Variants in MOBP observed in about 807,000 individuals in gnomAD.
MOBP encodes myelin-associated oligodendrocyte basic protein.
In MOBP, 5 loss-of-function variants were observed where a neutral mutation model predicts 15.0. The observed-to-expected ratio is 0.33, with a 90% CI of 0.17 to 0.70. The LOEUF is 0.70. MOBP is among the 30% of genes least tolerant of loss of function. MOBP has a pLI of 0.67. For synonymous variants in MOBP, 88 were observed against 99.0 expected (o/e 0.89, Z 0.66); for missense variants, 188 against 257.8 (o/e 0.73, Z 1.85).
At chr3:39,496,287 C>T (rs2042880708) in intron 2 of MOBP, among the ~76,000 whole-genome samples, 1 of 150,496 alleles carries the variant, frequency 6.6e-6, no homozygotes, top group Non-Finnish European at 1.5e-5. Context: ...CAAGCTCTGC[C>T]TCCCAGGTTC....
intron 1 of MOBP, among the ~76,000 whole-genome samples, chr3:39,468,516 G>C (rs144404393): frequency 1.4e-3 from 209 of 152,176 alleles, no homozygotes; most frequent in African/African-American, 4.3e-3. Flanking sequence ...GAAACTTGTT[G>C]GTGAGTGAGT....
At chr3:39,513,523 G>A (rs1258324465) in exon 5 of MOBP, 3 of 1,254,072 alleles carry the variant, frequency 2.4e-6, no homozygotes, top group African/African-American at 1.5e-5. Flanking sequence ...CAAATATTAT[G>A]CAGGGGCAAA....
intron 4 of MOBP, among the ~76,000 whole-genome samples, chr3:39,509,415 G>A (rs2125665121): frequency 6.6e-6 from 1 of 152,252 alleles, no homozygotes; most frequent in South Asian, 2.1e-4. Flanking sequence ...TGATAGGTAT[G>A]TAATGGTATT....
At chr3:39,470,617 G>T (rs570532234) in intron 1 of MOBP, among the ~76,000 whole-genome samples, 1 of 152,074 alleles carries the variant, frequency 6.6e-6, no homozygotes, top group East Asian at 1.9e-4. Context: ...AGCTGAAAAT[G>T]AACTAAGCAA....
downstream of MOBP, among the ~76,000 whole-genome samples, chr3:39,516,608 C>A (rs1006704678): frequency 2.0e-5 from 3 of 152,116 alleles, no homozygotes; most frequent in African/African-American, 7.2e-5. Context: ...ATAAAGAAAT[C>A]ATTTCAACTC....
At chr3:39,510,459 A>G (rs1432096017) in intron 4 of MOBP, among the ~76,000 whole-genome samples, 4 of 152,118 alleles carry the variant, frequency 2.6e-5, no homozygotes, top group African/African-American at 7.2e-5. Flanking sequence ...TGAACATGGT[A>G]TATCTCTCTA....
rs115642181 is a variant in MOBP, at chr3:39,509,496, A to G, written c.*-3887A>G. 7.6e-3 allele frequency among the ~76,000 whole-genome samples: 1,156 copies of G among 152,340 alleles called. 7 individuals are homozygous for G. Among genetic ancestry groups the G allele is most frequent in the East Asian group, 0.036 (185 of 5,186 alleles). On this transcript the variant is annotated intron_variant, in intron 4 of 4. Transcript: ENST00000311042. ...AGCATCTTTTAATGAGTATAAAGAT[A>G]ATCCACTAAAGACACTTATTTGGTG... is the stretch of plus-strand genomic sequence containing the variant.
chr3:39,516,550 G>A (rs2043205092), downstream of MOBP, among the ~76,000 whole-genome samples: 1 of 152,190 alleles, frequency 6.6e-6, no homozygotes, highest in Admixed American at 6.5e-5. Flanking sequence ...TGTTCACAAT[G>A]TGGGTGATGG....
intron 1 of MOBP, among the ~76,000 whole-genome samples, chr3:39,475,529 A>G (rs1027295870): frequency 6.6e-6 from 1 of 152,152 alleles, no homozygotes; most frequent in African/African-American, 2.4e-5. Flanking sequence ...TTCTCTCATT[A>G]CTTCTACATT....
intron 2 of MOBP, among the ~76,000 whole-genome samples, chr3:39,492,407 G>A (rs1249394397): frequency 6.6e-6 from 1 of 152,132 alleles, no homozygotes; most frequent in Non-Finnish European, 1.5e-5. Context: ...TCATGTTAGG[G>A]AACTGAACTC....
intron 2 of MOBP, among the ~76,000 whole-genome samples, chr3:39,490,741 T>C (rs2042782992): frequency 6.6e-6 from 1 of 152,158 alleles, no homozygotes. Flanking sequence ...TTTTGTACTT[T>C]TAGTAGAGAT....
intron 1 of MOBP, among the ~76,000 whole-genome samples, chr3:39,469,275 TA>T (rs2042431213): frequency 8.1e-6 from 1 of 123,144 alleles, no homozygotes; most frequent in Admixed American, 8.3e-5. Flanking sequence ...TATGTATAGA[TA>T]TATATACATA....
rs1188260744 is a variant in MOBP at position 39,502,842 on chromosome 3, C to A, written c.514C>A (p.Arg172Ser). ...SSPLRGPGASRGGSPVKASRF... is the reference protein window; with the variant it reads ...SSPLRGPGASSGGSPVKASRF... ...CCCCCTCAGAGGGCCAGGCGCCAGC[C>A]GTGGGGGGTCCCCCGTCAAAGCTTC... Residue 172 changes from arginine to serine, a missense_variant, in exon 4 of 4, where the codon CGT becomes AGT. By Grantham distance (110) the Arg-to-Ser change is moderately radical. This residue lies in a region of MOBP where 55 missense variants were observed against 45.2 expected (regional missense o/e 1.22). Coordinates refer to ENST00000684792, the MANE Select transcript of MOBP (RefSeq NM_001393704.1). This position sits in a 1 kb window ranked among gnomAD's most constrained non-coding sequence, Gnocchi z 6.3. The A allele has an allele frequency of 1.1e-5, 17 of 1,485,384 alleles. No homozygotes were observed. Among genetic ancestry groups the A allele is most frequent in the Non-Finnish European group, 1.5e-5 (17 of 1,108,922 alleles). 92.0% of individuals were successfully genotyped at this position (1,485,384 alleles called of 1,614,324 possible).
chr3:39,521,745 A>G (rs1043446690), intron 3 of MOBP, among the ~76,000 whole-genome samples: 7 of 152,206 alleles, frequency 4.6e-5, no homozygotes, highest in Non-Finnish European at 8.8e-5. Flanking sequence ...TGTCCGACTA[A>G]AAAGCAGAGT....
At chr3:39,510,411 T>C (rs1032111559) in intron 4 of MOBP, among the ~76,000 whole-genome samples, 11 of 152,260 alleles carry the variant, frequency 7.2e-5, no homozygotes, top group African/African-American at 2.6e-4. Flanking sequence ...ATAAATCAAT[T>C]TGGGGAAAAC....
In MOBP at chr3:39,502,259, G is replaced by A. The variant is rs777895010; in HGVS notation, c.190G>A (p.Ala64Thr). The change falls in exon 3 of 4, where the codon GCC becomes ACC. Residue 64 changes from alanine (A) to threonine (T), a missense_variant. Coordinates refer to ENST00000684792, the MANE Select transcript of MOBP (RefSeq NM_001393704.1). The surrounding 1 kb of genome is among the most constrained non-coding windows in gnomAD (Gnocchi z 6.3). ...GAAAGAGGAGGACTGGATCTGCTGC[G>A]CCTGCCAGAAGACCAGGTAAGCGGC... ...QKKEEDWICC[A>T]CQKTRTSRRA... 3.1e-6 allele frequency: 5 copies of A among 1,613,902 alleles called. No homozygotes were observed. The highest frequency in any genetic ancestry group is 4.2e-6 in the Non-Finnish European group (5 of 1,180,008).
intron 1 of MOBP, among the ~76,000 whole-genome samples, chr3:39,469,109 TATATATAC>T (rs1418325108): frequency 1.7e-5 from 1 of 58,636 alleles, no homozygotes; most frequent in Admixed American, 1.4e-4. Flanking sequence ...TATGTGTGTG[TATATATAC>T]ATATATACAT....
At chr3:39,485,926 C>T (rs1284938744) in intron 2 of MOBP, among the ~76,000 whole-genome samples, 1 of 142,782 alleles carries the variant, frequency 7.0e-6, no homozygotes, top group Non-Finnish European at 1.5e-5. Flanking sequence ...TATTATTTCC[C>T]TGTTTGTCTA....
intron 2 of MOBP, among the ~76,000 whole-genome samples, chr3:39,500,249 T>C (rs2042950366): frequency 6.6e-6 from 1 of 152,256 alleles, no homozygotes; most frequent in Non-Finnish European, 1.5e-5. Context: ...GGACTCAGCA[T>C]GATTTAGCTT....
Sources: gnomAD v4.1 joint callset for allele counts (sites outside exome capture counted in the v4.1 genomes callset) on GRCh38, gnomAD v4.1.1 for gene constraint, gnomAD v4.1.1 regional missense constraint, Gnocchi (gnomAD v3.1) non-coding constraint, MANE v1.5 for transcripts, NCBI Gene and HGNC (gene_info 2026-07-23, HGNC 2026-07-21) for gene names.